Variants in INSYN2B observed in about 807,000 individuals in gnomAD.
The protein encoded by INSYN2B is inhibitory synaptic factor family member 2B, also known as protein INSYN2B.
Under a neutral mutation model 41.2 loss-of-function variants are expected in INSYN2B, and 16 were observed. That is an observed-to-expected ratio of 0.39 (90% CI 0.26 to 0.59). INSYN2B has a LOEUF of 0.59. INSYN2B is among the 20% of genes least tolerant of loss of function. The probability of loss-of-function intolerance (pLI) is 0.57; values close to 1 mark genes in which losing one functional copy is unlikely to be tolerated. For synonymous variants in INSYN2B, 245 were observed against 244.4 expected, an observed-to-expected ratio of 1.00 and a Z score of -0.02; for missense variants, 608 against 646.4, an observed-to-expected ratio of 0.94 and a Z score of 0.64.
chr5:169,895,270 C>G (rs966291516), intron 1 of INSYN2B, among the ~76,000 whole-genome samples: 1 of 152,170 alleles, frequency 6.6e-6, no homozygotes, highest in African/African-American at 2.4e-5. Context: ...CTTCTTTCTC[C>G]TTTCCTCCCT....
At chr5:169,931,474 C>T (rs1265929897) in intron 1 of INSYN2B, among the ~76,000 whole-genome samples, 1 of 152,246 alleles carries the variant, frequency 6.6e-6, no homozygotes, top group Admixed American at 6.5e-5. Flanking sequence ...CACTAAGTTC[C>T]TGGCATATAA....
At chr5:169,907,476 A>G (rs1774348477) in intron 1 of INSYN2B, among the ~76,000 whole-genome samples, 1 of 152,202 alleles carries the variant, frequency 6.6e-6, no homozygotes, top group Non-Finnish European at 1.5e-5. Flanking sequence ...TTTGCTTGGA[A>G]CATTTTAGAA....
rs1000015028 is a variant in INSYN2B, at chr5:169,862,884, C to T, written c.*1389G>A. 6.6e-6 allele frequency among the ~76,000 whole-genome samples: 1 copy of T among 152,196 alleles called. No homozygotes were observed. Among genetic ancestry groups the T allele is most frequent in the African/African-American group, 2.4e-5 (1 of 41,444 alleles). ...CTCTGCAAAGATTCTAGCTTAGACA[C>T]TGGATCTTCAGCCAAGGGAATTACA... is the stretch of plus-strand genomic sequence containing the variant. On this transcript the variant is annotated 3_prime_UTR_variant, in exon 4 of 4. Transcript: ENST00000377365.
Position 169,955,954 on chromosome 5 carries a change from G to T in INSYN2B, c.-919+24323C>A, listed in dbSNP as rs373616851. Among the ~76,000 whole-genome samples, 20 of 152,184 alleles carry T rather than the reference G, an allele frequency of 1.3e-4. 1 individual carries two copies. The highest frequency in any genetic ancestry group is 7.8e-4 in the Admixed American group (12 of 15,290). ...TTGGGCAACTAATGTGCCTAAGCCT[G>T]GGTCATGAGAGTCCTAAAAAGGAAC... is the stretch of plus-strand genomic sequence containing the variant. On this transcript the variant is annotated intron_variant, in intron 1 of 3. Coordinates refer to ENST00000377365, the MANE Select transcript of INSYN2B (RefSeq NM_001129891.3).
intron 1 of INSYN2B, among the ~76,000 whole-genome samples, chr5:169,885,749 A>G (rs1473303895): frequency 3.3e-5 from 5 of 152,220 alleles, no homozygotes; most frequent in Admixed American, 6.5e-5. Flanking sequence ...AAACTACTCT[A>G]TAAGGTAGAT....
chr5:169,908,966 A>G (rs1290892155), intron 1 of INSYN2B, among the ~76,000 whole-genome samples: 1 of 152,188 alleles, frequency 6.6e-6, no homozygotes, highest in Non-Finnish European at 1.5e-5. Context: ...GTCCAAGGTC[A>G]CAGAACTTGC....
chr5:169,943,718 G>A (rs1165184524), intron 1 of INSYN2B, among the ~76,000 whole-genome samples: 1 of 152,152 alleles, frequency 6.6e-6, no homozygotes, highest in Non-Finnish European at 1.5e-5. Context: ...TCACCTGGGA[G>A]CTTGTTAGAA....
At position 169,965,644 on chromosome 5, in the gene INSYN2B, T is replaced by TAGGAACCATGGCCTCAGAGTCC. The variant is rs563280680; in HGVS notation, c.-919+14611_-919+14632dup. 2.8e-4 allele frequency among the ~76,000 whole-genome samples: 43 copies of TAGGAACCATGGCCTCAGAGTCC among 152,238 alleles called. 1 individual carries two copies. The South Asian group carries it at 8.3e-3, about 29-fold the overall frequency. On this transcript the variant is annotated intron_variant, in intron 1 of 3. Coordinates refer to ENST00000377365, the MANE Select transcript of INSYN2B (RefSeq NM_001129891.3). ...GGTAATTCTAATGTGCAGCAGAGTT[T>TAGGAACCATGGCCTCAGAGTCC]AGGAACCATGGCCTCAGAGTCCAAC...
chr5:169,881,932 A>G, intron 2 of INSYN2B, among the ~76,000 whole-genome samples: 1 of 152,234 alleles, frequency 6.6e-6, no homozygotes, highest in Middle Eastern at 3.2e-3. Flanking sequence ...ATCTAAACAA[A>G]TAACTGCCTT....
intron 1 of INSYN2B, among the ~76,000 whole-genome samples, chr5:169,888,161 C>T (rs140553060): frequency 5.3e-5 from 8 of 152,282 alleles, no homozygotes; most frequent in Non-Finnish European, 1.0e-4. Flanking sequence ...TATTTTGTGT[C>T]GGAACTCTCC....
At chr5:169,936,340 A>G (rs1775994546) in intron 1 of INSYN2B, among the ~76,000 whole-genome samples, 1 of 152,176 alleles carries the variant, frequency 6.6e-6, no homozygotes, top group South Asian at 2.1e-4. Flanking sequence ...AAAACATTTT[A>G]GGACGGTTAT....
intron 1 of INSYN2B, among the ~76,000 whole-genome samples, chr5:169,963,091 G>T (rs1777157638): frequency 6.6e-6 from 1 of 152,140 alleles, no homozygotes; most frequent in South Asian, 2.1e-4. Flanking sequence ...GGTTCCCCTG[G>T]AATATGTGTT....
At chr5:169,879,142 T>C (rs748210441) in intron 3 of INSYN2B, among the ~76,000 whole-genome samples, 33 of 152,172 alleles carry the variant, frequency 2.2e-4, no homozygotes, top group Non-Finnish European at 4.4e-4. Context: ...GCATGGCTAA[T>C]TTAGCAGCAA....
intron 1 of INSYN2B, among the ~76,000 whole-genome samples, chr5:169,916,306 C>T (rs1774872637): frequency 6.6e-6 from 1 of 152,208 alleles, no homozygotes; most frequent in Non-Finnish European, 1.5e-5. Flanking sequence ...GGATTTGTGT[C>T]TGCACATGCA....
At chr5:169,924,053 C>G (rs1277295758) in intron 1 of INSYN2B, among the ~76,000 whole-genome samples, 1 of 152,142 alleles carries the variant, frequency 6.6e-6, no homozygotes, top group Non-Finnish European at 1.5e-5. Context: ...TTAGCTGATG[C>G]CCCTTGTCTC....
intron 1 of INSYN2B, among the ~76,000 whole-genome samples, chr5:169,891,995 CAAA>C (rs571918885): frequency 7.8e-5 from 5 of 64,234 alleles, no homozygotes; most frequent in African/African-American, 1.2e-4. Context: ...GATTCCGTCC[CAAA>C]AAAAAAAAAA....
At chr5:169,976,190 A>T (rs1777711848) in intron 1 of INSYN2B, among the ~76,000 whole-genome samples, 1 of 152,276 alleles carries the variant, frequency 6.6e-6, no homozygotes, top group Non-Finnish European at 1.5e-5. Context: ...CTGACAAAGA[A>T]CAATGAATAA....
intron 1 of INSYN2B, among the ~76,000 whole-genome samples, chr5:169,900,014 C>T (rs1016898559): frequency 3.3e-5 from 5 of 152,290 alleles, no homozygotes; most frequent in Non-Finnish European, 5.9e-5. Context: ...CTCCAGCACT[C>T]GAAACCACAA....
At chr5:169,886,123 A>T (rs923734138) in intron 1 of INSYN2B, among the ~76,000 whole-genome samples, 3 of 152,106 alleles carry the variant, frequency 2.0e-5, no homozygotes, top group African/African-American at 7.2e-5. Flanking sequence ...TAAAGAAAAA[A>T]ACCCCTCTTT....
Sources: gnomAD v4.1 joint callset for allele counts (sites outside exome capture counted in the v4.1 genomes callset) on GRCh38, gnomAD v4.1.1 for gene constraint, MANE v1.5 for transcripts, NCBI Gene and HGNC (gene_info 2026-07-23, HGNC 2026-07-21) for gene names.